DOCK1: variants seen among roughly 807,000 people sequenced by gnomAD.
The protein encoded by DOCK1 is dedicator of cytokinesis 1.
DOCK1 carries 138 observed loss-of-function variants against 262.7 expected under a neutral mutation model. The ratio of observed to expected loss-of-function variants is 0.53; its 90% CI spans 0.46 to 0.61. The LOEUF (loss-of-function observed/expected upper bound fraction) is 0.61, where lower values mean the gene tolerates loss of function less well. DOCK1 is among the 20% of genes least tolerant of loss of function. The pLI, the probability that DOCK1 is intolerant of heterozygous loss-of-function variation, is 0.00. For synonymous variants in DOCK1, 866 were observed against 867.4 expected, an observed-to-expected ratio of 1.00 and a Z score of 0.03; for missense variants, 1,908 against 2,370.7, an observed-to-expected ratio of 0.80 and a Z score of 4.05.
intron 23 of DOCK1, among the ~76,000 whole-genome samples, chr10:127,096,067 A>T (rs1385260692): frequency 6.6e-6 from 1 of 152,262 alleles, no homozygotes; most frequent in Non-Finnish European, 1.5e-5. Flanking sequence ...GATTACAAAA[A>T]GTATTTTTGG....
intron 32 of DOCK1, among the ~76,000 whole-genome samples, chr10:127,358,528 T>A (rs1158981326): frequency 1.3e-5 from 2 of 152,180 alleles, no homozygotes; most frequent in Non-Finnish European, 2.9e-5. Context: ...TACATTTTGT[T>A]TATTACATCC....
At chr10:127,169,621 G>GGGT (rs2054379511) in intron 27 of DOCK1, among the ~76,000 whole-genome samples, 4 of 152,076 alleles carry the variant, frequency 2.6e-5, no homozygotes, top group Admixed American at 2.6e-4. Flanking sequence ...GATTCTCTGT[G>GGGT]GGTGCTTTCA....
At position 127,052,782 on chromosome 10, in the gene DOCK1, A is replaced by C. The variant is rs1288084617; in HGVS notation, c.2303A>C (p.Lys768Thr). 6 of 1,613,910 alleles carry C rather than the reference A, an allele frequency of 3.7e-6. No homozygotes were observed. The highest frequency in any genetic ancestry group is 5.1e-6 in the Non-Finnish European group (6 of 1,179,858). ...ATGAAAGCGCTAGAATCCATCTTCA[A>C]GTTCATCGTGCGCTCCAGGATCCTG... ...KAMKALESIF[K>T]FIVRSRILFN... The change falls in exon 22 of 52, where the codon AAG (lysine) becomes ACG (threonine). Residue 768 changes from lysine to threonine, a missense_variant. Transcript: ENST00000623213.
intron 1 of DOCK1, among the ~76,000 whole-genome samples, chr10:126,940,160 C>T (rs2034879593): frequency 6.6e-6 from 1 of 152,168 alleles, no homozygotes; most frequent in Non-Finnish European, 1.5e-5. Flanking sequence ...AAGAAATTTG[C>T]CCTGTGAATT....
At chr10:127,442,788 G>T (rs138979108) in intron 49 of DOCK1, among the ~76,000 whole-genome samples, 1 of 152,198 alleles carries the variant, frequency 6.6e-6, no homozygotes, top group African/African-American at 2.4e-5. Context: ...CATGGAACAG[G>T]CCATTGATTT....
At chr10:126,972,530 T>C (rs1439257123) in intron 2 of DOCK1, among the ~76,000 whole-genome samples, 1 of 152,114 alleles carries the variant, frequency 6.6e-6, no homozygotes, top group African/African-American at 2.4e-5. Flanking sequence ...GAAAAACTGC[T>C]TTTTCACAGA....
intron 29 of DOCK1, among the ~76,000 whole-genome samples, chr10:127,268,819 C>T (rs987985801): frequency 1.3e-5 from 2 of 152,094 alleles, no homozygotes; most frequent in African/African-American, 2.4e-5. Context: ...GCATTGGAAT[C>T]ACAGTGACAT....
At chr10:126,956,425 C>T (rs2036743220) in intron 1 of DOCK1, among the ~76,000 whole-genome samples, 1 of 152,098 alleles carries the variant, frequency 6.6e-6, no homozygotes, top group Non-Finnish European at 1.5e-5. Flanking sequence ...TGTACCAGGT[C>T]CTGGTGCAGC....
Position 127,100,742 on chromosome 10 carries a change from A to G in DOCK1, c.2446-5489A>G, listed in dbSNP as rs10829374. On this transcript the variant is annotated intron_variant, in intron 23 of 51. Transcript: ENST00000623213. This position sits in a 1 kb window ranked among gnomAD's most constrained non-coding sequence, Gnocchi z 5.5. Reference sequence around the variant, plus strand: ...GAGGGCCACGCGTGCCCCAGAGGTGAGGTGGCCAAAGTGTCATCAGAAAGG... The same window carrying G: ...GAGGGCCACGCGTGCCCCAGAGGTGGGGTGGCCAAAGTGTCATCAGAAAGG... Among the ~76,000 whole-genome samples the G allele has an allele frequency of 6.7e-3, 1,026 of 152,060 alleles. 6 individuals carry two copies. The highest frequency in any genetic ancestry group is 0.012 in the Admixed American group (181 of 15,278).
In DOCK1 at chr10:127,444,237, C is replaced by G. The variant is rs751958118; in HGVS notation, c.5371C>G (p.Pro1791Ala). 3.7e-6 allele frequency: 6 copies of G among 1,612,128 alleles called. No homozygotes were observed. Among genetic ancestry groups the G allele is most frequent in the Non-Finnish European group, 5.1e-6 (6 of 1,179,336 alleles). Residue 1791 changes from proline to alanine, a missense_variant, in exon 50 of 52, where the codon CCA (proline) becomes GCA (alanine). Around this residue, in one of 9 missense-constraint regions of DOCK1, gnomAD observed 383 missense variants for 420.1 expected, o/e 0.91. Transcript: ENST00000623213. Reference protein sequence around the residue: ...SSPSSQQTPPPVTPRAKLSFS... With the variant: ...SSPSSQQTPPAVTPRAKLSFS... ...ACCGTCCTCCCAGCAAACACCCCCT[C>G]CAGTTACACCAAGGGCCAAGCTCAG...
intron 10 of DOCK1, among the ~76,000 whole-genome samples, chr10:127,003,592 C>T (rs980769968): frequency 2.6e-5 from 4 of 152,118 alleles, no homozygotes; most frequent in African/African-American, 4.8e-5. Context: ...GAGCACTGAG[C>T]CTTTGTGGCC....
intron 12 of DOCK1, among the ~76,000 whole-genome samples, chr10:127,018,107 G>C (rs905724150): frequency 6.6e-6 from 1 of 152,174 alleles, no homozygotes; most frequent in Non-Finnish European, 1.5e-5. Context: ...AGAGCGGCTG[G>C]GGCTTTGTTT....
At chr10:127,180,510 T>C (rs2055623381) in intron 27 of DOCK1, among the ~76,000 whole-genome samples, 1 of 152,212 alleles carries the variant, frequency 6.6e-6, no homozygotes, top group South Asian at 2.1e-4. Context: ...GAGAGCTAGA[T>C]GTCGAGGAGC....
intron 23 of DOCK1, among the ~76,000 whole-genome samples, chr10:127,079,507 T>C (rs775853980): frequency 4.6e-5 from 7 of 151,538 alleles, no homozygotes; most frequent in Admixed American, 3.3e-4. Flanking sequence ...TAATTTCTTT[T>C]AAGTGTGCAT....
In DOCK1 at chr10:126,989,092, AT is replaced by A. The variant is rs1041666757; in HGVS notation, c.325-1356del. Reference sequence around the variant, plus strand: ...CTTCTCAAAAAAAAAAAAAAAATGCATTTTTTTGCTGCACATTGTAGATATT... The same window carrying A: ...CTTCTCAAAAAAAAAAAAAAAATGCATTTTTTGCTGCACATTGTAGATATT... On this transcript the variant is annotated intron_variant, in intron 5 of 51. Transcript: ENST00000623213. Among the ~76,000 whole-genome samples, 6 of 148,192 alleles carry A rather than the reference AT, an allele frequency of 4.0e-5. 1 individual carries two copies. The highest frequency in any genetic ancestry group is 2.0e-4 in the Admixed American group (3 of 14,770).
intron 14 of DOCK1, 145 bp from the exon 15 acceptor site, chr10:127,024,540 T>C: frequency 1.5e-6 from 1 of 656,396 alleles, no homozygotes. Flanking sequence ...GATCTGTGCT[T>C]CCCTTGCTGG....
At chr10:127,137,739 G>T in intron 27 of DOCK1, 1 of 1,155,226 alleles carries the variant, frequency 8.7e-7, no homozygotes, top group Non-Finnish European at 1.2e-6. Context: ...GCCTGAATGG[G>T]CACCACAGTT....
chr10:127,075,909 T>G (rs1056838550), intron 23 of DOCK1, among the ~76,000 whole-genome samples: 1 of 152,166 alleles, frequency 6.6e-6, no homozygotes, highest in Non-Finnish European at 1.5e-5. Flanking sequence ...CTTTATACTT[T>G]TATTATTTAC....
At chr10:127,355,959 G>T (rs1458068323) in intron 32 of DOCK1, among the ~76,000 whole-genome samples, 2 of 152,270 alleles carry the variant, frequency 1.3e-5, no homozygotes, top group African/African-American at 4.8e-5. Context: ...TGGGGATGAA[G>T]AGCGGGTCAG....
Sources: allele counts gnomAD v4.1 joint callset (sites outside exome capture counted in the v4.1 genomes callset), GRCh38; gene constraint gnomAD v4.1.1; regional missense constraint gnomAD v4.1.1; non-coding constraint Gnocchi (gnomAD v3.1); transcripts MANE v1.5; gene names NCBI Gene and HGNC (gene_info 2026-07-23, HGNC 2026-07-21).